Variants in GLP2R observed in about 807,000 individuals in gnomAD.
GLP2R encodes glucagon like peptide 2 receptor.
A neutral mutation model predicts 68.2 loss-of-function variants in GLP2R; 59 were observed. The observed-to-expected ratio is 0.87, with a 90% CI of 0.70 to 1.07. The LOEUF is 1.07. Ranked by LOEUF, GLP2R falls within the 50% of genes least tolerant of loss-of-function variation. GLP2R has a pLI of 0.00. For synonymous variants in GLP2R, 270 were observed against 265.4 expected, an observed-to-expected ratio of 1.02 and a Z score of -0.17; for missense variants, 548 against 677.4, an observed-to-expected ratio of 0.81 and a Z score of 2.12.
Position 9,844,413 on chromosome 17 carries a change from C to T in GLP2R, c.504+1797C>T, listed in dbSNP as rs373931643. ...GAAGGCAGGGACAACAGGCAGGAACCGTGGCAGCAACTCAGGCCGGATAGG... is the reference window on the plus strand; with the variant it reads ...GAAGGCAGGGACAACAGGCAGGAACTGTGGCAGCAACTCAGGCCGGATAGG... On this transcript the variant is annotated intron_variant, in intron 4 of 12. Transcript: ENST00000262441. 9.2e-5 allele frequency among the ~76,000 whole-genome samples: 14 copies of T among 152,072 alleles called. No homozygotes were observed. The Middle Eastern group carries it at 0.01, about 112-fold the overall frequency.
At chr17:9,860,679 G>A (rs2066979835) in intron 7 of GLP2R, among the ~76,000 whole-genome samples, 1 of 152,096 alleles carries the variant, frequency 6.6e-6, no homozygotes, top group Non-Finnish European at 1.5e-5. Flanking sequence ...CATCACTGGG[G>A]TAGGGCTTCA....
chr17:9,889,744 C>T lies in GLP2R; in HGVS notation c.*39C>T. On this transcript the variant is annotated 3_prime_UTR_variant, in exon 13 of 13. Coordinates refer to ENST00000262441, the MANE Select transcript of GLP2R (RefSeq NM_004246.3). ...CACCCTGGCTCTGCTCCCAGGGACT[C>T]TTGAGGGGGCCCAGGAAGAGGAAGC... The T allele has an allele frequency of 7.7e-7, 1 of 1,301,232 alleles. No homozygotes were observed. The allele number at this position is 1,301,232 out of a possible 1,614,324, so 80.6% of individuals were successfully genotyped here.
chr17:9,867,743 T>C (rs1367667963), intron 9 of GLP2R, among the ~76,000 whole-genome samples: 2 of 152,192 alleles, frequency 1.3e-5, no homozygotes, highest in Non-Finnish European at 2.9e-5. Flanking sequence ...TGTTTTGAGC[T>C]AACAAATTGA....
At chr17:9,839,698 C>T (rs944186603) in intron 3 of GLP2R, among the ~76,000 whole-genome samples, 1 of 152,176 alleles carries the variant, frequency 6.6e-6, no homozygotes, top group Non-Finnish European at 1.5e-5. Context: ...TGCAAGACCT[C>T]CTGCTGCCTG....
chr17:9,842,750 A>G lies in GLP2R; in HGVS notation c.504+134A>G, dbSNP rs376180712. 9.7e-6 allele frequency: 9 copies of G among 923,616 alleles called. 1 individual carries two copies. Among genetic ancestry groups the G allele is most frequent in the Admixed American group, 5.2e-5 (2 of 38,158 alleles). 57.2% of individuals were successfully genotyped at this position (923,616 alleles called of 1,614,324 possible). A position where few individuals can be genotyped will look rare whatever the true frequency, so the allele number is the denominator to read the frequency against. ...CGCCTCTCCCCGGGGAAGCTAAGGA[A>G]GGTCCCGCAAAGCAGCAACCCTTGT... On this transcript the variant is annotated intron_variant, in intron 4 of 12. Transcript: ENST00000262441.
At chr17:9,830,307 A>G (rs1333198602) in intron 1 of GLP2R, among the ~76,000 whole-genome samples, 2 of 152,220 alleles carry the variant, frequency 1.3e-5, no homozygotes, top group Non-Finnish European at 2.9e-5. Context: ...GGTCATAAAT[A>G]GTACTTTGTC....
In GLP2R at chr17:9,845,966, A is replaced by G. The variant is rs148858307; in HGVS notation, c.504+3350A>G. On this transcript the variant is annotated intron_variant, in intron 4 of 12. Coordinates refer to ENST00000262441, the MANE Select transcript of GLP2R (RefSeq NM_004246.3). ...ATCCTTTTACATTTTAAGCTGCGCT[A>G]TTACATTTGATATGCTTTAGACATT... Among the ~76,000 whole-genome samples, 146 of 152,326 alleles carry G rather than the reference A, an allele frequency of 9.6e-4. No individual in the cohort carries two copies. The Middle Eastern group carries it at 0.01, about 11-fold the overall frequency.
chr17:9,877,709 C>G (rs1358228856), intron 10 of GLP2R, among the ~76,000 whole-genome samples: 1 of 151,940 alleles, frequency 6.6e-6, no homozygotes, highest in Non-Finnish European at 1.5e-5. Flanking sequence ...AATCCCGTCT[C>G]TACTAAAAAT....
At chr17:9,847,721 T>A (rs1406092934) in intron 4 of GLP2R, among the ~76,000 whole-genome samples, 2 of 152,170 alleles carry the variant, frequency 1.3e-5, no homozygotes, top group African/African-American at 2.4e-5. Flanking sequence ...TCATGTCCAT[T>A]AGAGAAGGCT....
chr17:9,868,013 GT>G (rs1384531933), intron 9 of GLP2R, among the ~76,000 whole-genome samples: 2 of 152,082 alleles, frequency 1.3e-5, no homozygotes, highest in Non-Finnish European at 2.9e-5. Context: ...TGTACTCTGG[GT>G]TTTCCCACCC....
rs1194394574 is a variant in GLP2R, at chr17:9,890,886, TGAG to T, written c.*1186_*1188del. 2.0e-5 allele frequency: 3 copies of T among 152,320 alleles called. No individual in the cohort carries two copies. In the South Asian group the frequency reaches 6.2e-4, roughly 32 times the overall value. The allele number at this position is 152,320 out of a possible 1,614,324, so 9.4% of individuals were successfully genotyped here. On this transcript the variant is annotated 3_prime_UTR_variant, in exon 13 of 13. Coordinates refer to ENST00000262441, the MANE Select transcript of GLP2R (RefSeq NM_004246.3). ...CCTGCCTACTGTGACCCATGGAGGC[TGAG>T]GAGGGCCCAGGCAGTTGGGGTCAGG...
At chr17:9,859,509 G>T (rs1347565894) in intron 6 of GLP2R, among the ~76,000 whole-genome samples, 1 of 151,838 alleles carries the variant, frequency 6.6e-6, no homozygotes, top group Non-Finnish European at 1.5e-5. Flanking sequence ...AAAGAGGGAG[G>T]GGGCCGGGCA....
At chr17:9,855,622 T>TA (rs1163566872) in intron 5 of GLP2R, among the ~76,000 whole-genome samples, 1 of 152,256 alleles carries the variant, frequency 6.6e-6, no homozygotes, top group Non-Finnish European at 1.5e-5. Context: ...CTAAGCGCAT[T>TA]ACATGCATTA....
chr17:9,837,973 A>G (rs1247499010), intron 3 of GLP2R, among the ~76,000 whole-genome samples: 1 of 152,074 alleles, frequency 6.6e-6, no homozygotes, highest in African/African-American at 2.4e-5. Context: ...AGAGAGAGAG[A>G]GTGTTTAGAA....
Position 9,857,443 on chromosome 17 carries a change from A to T in GLP2R, c.632A>T (p.Asn211Ile). The T allele has an allele frequency of 6.2e-7, 1 of 1,614,204 alleles. No homozygotes were observed. Among genetic ancestry groups the T allele is most frequent in the Non-Finnish European group, 8.5e-7 (1 of 1,180,036 alleles). The stretch of plus-strand genomic sequence containing the variant: ...CACAGAAAACTCCACTGCACGCGCA[A>T]CTACATCCACATGAACTTGTTTGCT... ...LFLRKLHCTR[N>I]YIHMNLFASF... The change falls in exon 6 of 13, where the codon AAC (asparagine) becomes ATC (isoleucine). Residue 211 changes from asparagine (N) to isoleucine (I), a missense_variant. By Grantham distance (149) the Asn-to-Ile change is moderately radical. Coordinates refer to ENST00000262441, the MANE Select transcript of GLP2R (RefSeq NM_004246.3).
intron 10 of GLP2R, among the ~76,000 whole-genome samples, chr17:9,871,530 C>G (rs2067092725): frequency 1.3e-5 from 2 of 152,084 alleles, no homozygotes. Flanking sequence ...CATCCTTCCA[C>G]AGGCATCCTT....
intron 9 of GLP2R, among the ~76,000 whole-genome samples, chr17:9,868,358 C>T (rs1045392362): frequency 6.6e-6 from 1 of 152,276 alleles, no homozygotes; most frequent in East Asian, 1.9e-4. Context: ...CCCGCTATAC[C>T]GGCAATCACC....
intron 7 of GLP2R, among the ~76,000 whole-genome samples, chr17:9,860,394 T>C (rs531861239): frequency 1.3e-5 from 2 of 152,292 alleles, no homozygotes; most frequent in South Asian, 2.1e-4. Flanking sequence ...CTGCTTGGAA[T>C]GTCAAAACAA....
At chr17:9,877,695 G>C (rs1418964969) in intron 10 of GLP2R, among the ~76,000 whole-genome samples, 1 of 151,958 alleles carries the variant, frequency 6.6e-6, no homozygotes, top group African/African-American at 2.4e-5. Flanking sequence ...CGAGACCACG[G>C]TGAAATCCCG....
Sources: allele counts gnomAD v4.1 joint callset (sites outside exome capture counted in the v4.1 genomes callset), GRCh38; gene constraint gnomAD v4.1.1; transcripts MANE v1.5; gene names NCBI Gene and HGNC (gene_info 2026-07-23, HGNC 2026-07-21).